GATAD2A: variants seen among roughly 807,000 people sequenced by gnomAD.
The protein encoded by GATAD2A is GATA zinc finger domain containing 2A.
In GATAD2A, 12 loss-of-function variants were observed where a neutral mutation model predicts 68.5. The ratio of observed to expected loss-of-function variants is 0.18; its 90% CI spans 0.11 to 0.28. The LOEUF is 0.28. Among genes scored for constraint, GATAD2A ranks in the 10% least tolerant of loss-of-function variants. The pLI is 1.00. For synonymous variants in GATAD2A, 410 were observed against 375.3 expected (o/e 1.09, Z -1.07); for missense variants, 755 against 868.5 (o/e 0.87, Z 1.64).
intron 4 of GATAD2A, among the ~76,000 whole-genome samples, chr19:19,493,853 A>G (rs1600280912): frequency 6.6e-6 from 1 of 152,010 alleles, no homozygotes; most frequent in Non-Finnish European, 1.5e-5. Context: ...AGGGACACCA[A>G]GTCTGTCACT....
At chr19:19,472,945 T>G (rs1488172433) in intron 2 of GATAD2A, among the ~76,000 whole-genome samples, 1 of 152,212 alleles carries the variant, frequency 6.6e-6, no homozygotes, top group South Asian at 2.1e-4. Flanking sequence ...AGCTATTTTT[T>G]TGGAAGACCA....
Position 19,495,735 on chromosome 19 carries a change from G to T in GATAD2A, c.625-19G>T. On this transcript the variant is annotated intron_variant, in intron 5 of 11. Coordinates refer to ENST00000683918, the MANE Select transcript of GATAD2A (RefSeq NM_001384528.1). ...GGGGGTCCGGTCCATGTAAATCTGG[G>T]TCTTGGTATCGTTGGCAGACCTCTT... The T allele has an allele frequency of 6.3e-7, 1 of 1,593,370 alleles. No homozygotes were observed. Among genetic ancestry groups the T allele is most frequent in the Non-Finnish European group, 8.6e-7 (1 of 1,164,522 alleles).
chr19:19,437,998 C>T (rs1391601927), intron 1 of GATAD2A, among the ~76,000 whole-genome samples: 1 of 152,104 alleles, frequency 6.6e-6, no homozygotes, highest in Non-Finnish European at 1.5e-5. Flanking sequence ...CAGGAATTAC[C>T]AGACTGTTAT....
At chr19:19,456,303 G>T (rs998645883) in intron 1 of GATAD2A, among the ~76,000 whole-genome samples, 2 of 152,116 alleles carry the variant, frequency 1.3e-5, no homozygotes, top group African/African-American at 4.8e-5. Flanking sequence ...TCCCCTCGGG[G>T]TCCCGCATGT....
At chr19:19,423,313 C>G (rs1244401778) in intron 1 of GATAD2A, among the ~76,000 whole-genome samples, 3 of 152,236 alleles carry the variant, frequency 2.0e-5, no homozygotes, top group Non-Finnish European at 2.9e-5. Context: ...GCCTATTTCT[C>G]TCTTAATTGG....
exon 1 of GATAD2A, chr19:19,385,955 C>T (rs1021429568): frequency 6.7e-6 from 1 of 148,322 alleles, no homozygotes; most frequent in African/African-American, 2.4e-5. Context: ...CGCCCGAGCG[C>T]GCCCCGCGCC....
chr19:19,486,558 G>T (rs550188281), intron 2 of GATAD2A, among the ~76,000 whole-genome samples: 71 of 152,328 alleles, frequency 4.7e-4, no homozygotes, highest in African/African-American at 1.7e-3. Flanking sequence ...TGACAGCCTT[G>T]GGGCAGCTCC....
At chr19:19,397,944 C>A (rs969690888) in intron 1 of GATAD2A, among the ~76,000 whole-genome samples, 2 of 152,192 alleles carry the variant, frequency 1.3e-5, no homozygotes, top group African/African-American at 2.4e-5. Flanking sequence ...GCTCTTGTTG[C>A]CCATGCTGGA....
intron 2 of GATAD2A, among the ~76,000 whole-genome samples, chr19:19,484,308 T>C (rs2059261637): frequency 6.6e-6 from 1 of 152,002 alleles, no homozygotes; most frequent in Non-Finnish European, 1.5e-5. Context: ...TGGTAGTGTT[T>C]CCCTGTGGTC....
intron 1 of GATAD2A, among the ~76,000 whole-genome samples, chr19:19,448,141 C>A (rs2055950254): frequency 6.6e-6 from 1 of 152,234 alleles, no homozygotes; most frequent in Non-Finnish European, 1.5e-5. Context: ...GAGAGCCAGG[C>A]CCTTCCCACA....
intron 1 of GATAD2A, among the ~76,000 whole-genome samples, chr19:19,464,325 A>T (rs2148004105): frequency 6.6e-6 from 1 of 152,290 alleles, no homozygotes; most frequent in African/African-American, 2.4e-5. Flanking sequence ...TCTGGTAAAC[A>T]CTGGGATGCT....
At chr19:19,407,860 C>G (rs1441367026) in intron 1 of GATAD2A, among the ~76,000 whole-genome samples, 1 of 152,166 alleles carries the variant, frequency 6.6e-6, no homozygotes, top group African/African-American at 2.4e-5. Context: ...TTTTCTGTAT[C>G]CTCTGTCTTC....
chr19:19,505,499 G>A lies in GATAD2A; in HGVS notation c.*25G>A, dbSNP rs112988582. 15 of 1,550,124 alleles carry A rather than the reference G, an allele frequency of 9.7e-6. No individual in the cohort carries two copies. The highest frequency in any genetic ancestry group is 4.2e-5 in the African/African-American group (3 of 71,902). ...GTGCGAGCCAGGCCCCGTGGAAGACGGGCTCCCTCCTCCCCCACCTGGCCC... is the reference window on the plus strand; with the variant it reads ...GTGCGAGCCAGGCCCCGTGGAAGACAGGCTCCCTCCTCCCCCACCTGGCCC... On this transcript the variant is annotated 3_prime_UTR_variant, in exon 12 of 12. Coordinates refer to ENST00000683918, the MANE Select transcript of GATAD2A (RefSeq NM_001384528.1).
chr19:19,474,307 C>CA (rs1317275237), intron 2 of GATAD2A: 3 of 251,602 alleles, frequency 1.2e-5, no homozygotes, highest in African/African-American at 7.0e-5. Flanking sequence ...AGTTCTGACT[C>CA]ACGTGTGCAC....
chr19:19,413,680 G>A (rs947326764), intron 1 of GATAD2A, among the ~76,000 whole-genome samples: 1 of 152,102 alleles, frequency 6.6e-6, no homozygotes, highest in Non-Finnish European at 1.5e-5. Flanking sequence ...CGCCTCCTGG[G>A]TTCAAGCGAT....
At chr19:19,406,395 G>C (rs950546878) in intron 1 of GATAD2A, among the ~76,000 whole-genome samples, 1 of 151,300 alleles carries the variant, frequency 6.6e-6, no homozygotes, top group African/African-American at 2.4e-5. Flanking sequence ...CGCGCGGGGC[G>C]GGGGTCCCGC....
At chr19:19,453,855 G>T (rs1395690961) in intron 1 of GATAD2A, among the ~76,000 whole-genome samples, 3 of 151,554 alleles carry the variant, frequency 2.0e-5, no homozygotes, top group Non-Finnish European at 2.9e-5. Flanking sequence ...GTAGAGATGG[G>T]GTTTCACCAT....
intron 1 of GATAD2A, among the ~76,000 whole-genome samples, chr19:19,413,782 G>A (rs554902495): frequency 3.3e-5 from 5 of 151,976 alleles, no homozygotes; most frequent in South Asian, 2.1e-4. Flanking sequence ...ATGGGGTTTC[G>A]TCATGTTGGT....
At chr19:19,386,435 G>A (rs1029377442) in intron 1 of GATAD2A, among the ~76,000 whole-genome samples, 8 of 150,442 alleles carry the variant, frequency 5.3e-5, no homozygotes, top group African/African-American at 1.9e-4. Flanking sequence ...CTCTCTTGGG[G>A]ACCCCGTCTC....
Sources: allele counts gnomAD v4.1 joint callset (sites outside exome capture counted in the v4.1 genomes callset), GRCh38; gene constraint gnomAD v4.1.1; transcripts MANE v1.5; gene names NCBI Gene and HGNC (gene_info 2026-07-23, HGNC 2026-07-21).